PTPRN2: variants seen among roughly 807,000 people sequenced by gnomAD.
The protein encoded by PTPRN2 is protein tyrosine phosphatase receptor type N2, also known as receptor-type tyrosine-protein phosphatase N2.
Under a neutral mutation model 118.8 loss-of-function variants are expected in PTPRN2, and 74 were observed. The ratio of observed to expected loss-of-function variants is 0.62; its 90% confidence interval spans 0.52 to 0.76. PTPRN2 has a LOEUF of 0.76. Ranked by LOEUF, PTPRN2 falls within the 30% of genes least tolerant of loss-of-function variation. PTPRN2 has a pLI of 0.00. For synonymous variants in PTPRN2, 641 were observed against 608.0 expected, an observed-to-expected ratio of 1.05 and a Z score of -0.80; for missense variants, 1,481 against 1,394.4, an observed-to-expected ratio of 1.06 and a Z score of -0.99.
chr7:158,301,981 T>A (rs543773792), intron 3 of PTPRN2, among the ~76,000 whole-genome samples: 218 of 152,260 alleles, frequency 1.4e-3, no homozygotes, highest in African/African-American at 5.1e-3. Context: ...CATGAGATGG[T>A]ATGACCTCCT....
At chr7:157,725,103 C>A (rs1270281220) in intron 12 of PTPRN2, among the ~76,000 whole-genome samples, 1 of 151,582 alleles carries the variant, frequency 6.6e-6, no homozygotes, top group African/African-American at 2.4e-5. Context: ...GGGGAAAGGA[C>A]GGTTTCCTCA....
chr7:158,268,302 G>A lies in PTPRN2; in HGVS notation c.277+48517C>T, dbSNP rs549245419. ...CAGCCCAGACGCGTGCACACGGGGC[G>A]GGTGTGAAATATCCCAGCCGCACGC... On this transcript the variant is annotated intron_variant, in intron 3 of 22. Coordinates refer to ENST00000389418, the MANE Select transcript of PTPRN2 (RefSeq NM_002847.5). Among the ~76,000 whole-genome samples, 9 of 150,500 alleles carry A rather than the reference G, an allele frequency of 6.0e-5. No homozygotes were observed. The South Asian group carries it at 8.4e-4, about 14-fold the overall frequency.
At chr7:158,534,011 C>T (rs1422341921) in intron 1 of PTPRN2, among the ~76,000 whole-genome samples, 6 of 151,626 alleles carry the variant, frequency 4.0e-5, no homozygotes, top group East Asian at 3.9e-4. Context: ...TGACCACCCA[C>T]CCCCCGGGCT....
intron 9 of PTPRN2, among the ~76,000 whole-genome samples, chr7:158,113,060 C>T (rs574870606): frequency 6.6e-6 from 1 of 151,722 alleles, no homozygotes; most frequent in Non-Finnish European, 1.5e-5. Context: ...GGCCCCCCAA[C>T]ATTTAGGGCA....
At chr7:157,770,910 C>G (rs1007051783) in intron 12 of PTPRN2, among the ~76,000 whole-genome samples, 2 of 152,246 alleles carry the variant, frequency 1.3e-5, no homozygotes, top group African/African-American at 4.8e-5. Flanking sequence ...CACCTGCCCC[C>G]GAGGTGAGAC....
At chr7:158,125,382 C>T (rs951047538) in intron 9 of PTPRN2, among the ~76,000 whole-genome samples, 3 of 152,190 alleles carry the variant, frequency 2.0e-5, no homozygotes, top group Non-Finnish European at 4.4e-5. Flanking sequence ...CGGCCACCCC[C>T]CTGCCTCGCG....
chr7:158,196,599 C>A lies in PTPRN2; in HGVS notation c.381-4104G>T, dbSNP rs76901822. 2.4e-4 allele frequency among the ~76,000 whole-genome samples: 36 copies of A among 152,260 alleles called. No individual in the cohort carries two copies. In the East Asian group the frequency reaches 4.1e-3, roughly 17 times the overall value. ...TCCCCATGAGGGGTCTTCCCAAGAC[C>A]CTGCATTTGGACTTCAGGACTACAG... On this transcript the variant is annotated intron_variant, in intron 4 of 22. Transcript: ENST00000389418.
At chr7:158,229,051 C>T (rs971248911) in intron 3 of PTPRN2, among the ~76,000 whole-genome samples, 3 of 152,114 alleles carry the variant, frequency 2.0e-5, no homozygotes, top group Non-Finnish European at 4.4e-5. Context: ...CCAGCCTTCT[C>T]ACACTGCTGG....
Position 157,763,266 on chromosome 7 carries a change from G to C in PTPRN2, c.1789-80329C>G, listed in dbSNP as rs2151010819. Reference sequence around the variant, plus strand: ...TCAAATTTCCAGCCACATACACCATGACCTCTGGCGTGATGTGCCCTCCTC... The same window carrying C: ...TCAAATTTCCAGCCACATACACCATCACCTCTGGCGTGATGTGCCCTCCTC... On this transcript the variant is annotated intron_variant, in intron 12 of 22. Coordinates refer to ENST00000389418, the MANE Select transcript of PTPRN2 (RefSeq NM_002847.5). The surrounding 1 kb of genome is among the most constrained non-coding windows in gnomAD (Gnocchi z 4.9). Among the ~76,000 whole-genome samples, 1 of 152,348 alleles carries C rather than the reference G, an allele frequency of 6.6e-6. No homozygotes were observed. The highest frequency in any genetic ancestry group is 2.1e-4 in the South Asian group (1 of 4,824).
chr7:158,219,006 C>T (rs1828154617), intron 3 of PTPRN2, among the ~76,000 whole-genome samples: 1 of 152,118 alleles, frequency 6.6e-6, no homozygotes, highest in Admixed American at 6.5e-5. Context: ...CATTTGACAG[C>T]ATTAGACAGA....
At chr7:158,374,250 C>G (rs1472630384) in intron 2 of PTPRN2, among the ~76,000 whole-genome samples, 7 of 152,168 alleles carry the variant, frequency 4.6e-5, no homozygotes, top group Non-Finnish European at 1.0e-4. Flanking sequence ...AATCACAAAG[C>G]TCCCTTGTCA....
chr7:158,520,852 C>T (rs1563385944), intron 1 of PTPRN2, among the ~76,000 whole-genome samples: 1 of 152,156 alleles, frequency 6.6e-6, no homozygotes, highest in Non-Finnish European at 1.5e-5. Flanking sequence ...GATCGGTAAC[C>T]CCAGCCTCTT....
intron 12 of PTPRN2, among the ~76,000 whole-genome samples, chr7:157,894,381 C>T (rs1389372589): frequency 1.3e-5 from 2 of 148,212 alleles, no homozygotes; most frequent in Admixed American, 6.7e-5. Flanking sequence ...AAGCTGAGAG[C>T]TGGGGTGTGA....
chr7:158,202,005 T>G (rs931724761), intron 4 of PTPRN2, among the ~76,000 whole-genome samples: 1 of 152,214 alleles, frequency 6.6e-6, no homozygotes, highest in Non-Finnish European at 1.5e-5. Flanking sequence ...TTACAGAGTT[T>G]GACTCTTTTC....
intron 22 of PTPRN2, among the ~76,000 whole-genome samples, chr7:157,548,546 G>A (rs1326971553): frequency 2.0e-5 from 3 of 152,194 alleles, no homozygotes; most frequent in Non-Finnish European, 4.4e-5. Flanking sequence ...CTGTGCCCTG[G>A]GGGCCTCCAC....
At chr7:157,578,290 C>G in intron 17 of PTPRN2, 150 bp from the exon 18 acceptor site, 1 of 967,292 alleles carries the variant, frequency 1.0e-6, no homozygotes, top group Non-Finnish European at 1.5e-6. Flanking sequence ...CCGCAGCTGC[C>G]TGAGCATCTC....
In PTPRN2 at chr7:158,359,849, G is replaced by C. The variant is rs117987815; in HGVS notation, c.164-42917C>G. Among the ~76,000 whole-genome samples the C allele has an allele frequency of 6.7e-3, 1,025 of 152,228 alleles. 32 individuals are homozygous for C. The highest frequency in any genetic ancestry group is 0.051 in the Admixed American group (771 of 15,258). ...CCTGATGGAATGGCCTTCTTCCTCT[G>C]ACAGTTTTTAATATACAGCACCTTA... On this transcript the variant is annotated intron_variant, in intron 2 of 22. Coordinates refer to ENST00000389418, the MANE Select transcript of PTPRN2 (RefSeq NM_002847.5).
chr7:157,723,523 A>T (rs539652885), intron 12 of PTPRN2, among the ~76,000 whole-genome samples: 1 of 152,186 alleles, frequency 6.6e-6, no homozygotes, highest in South Asian at 2.1e-4. Flanking sequence ...GTTCCCAAGC[A>T]CTTTCTCCCT....
At chr7:158,471,884 C>T (rs897113244) in intron 2 of PTPRN2, among the ~76,000 whole-genome samples, 4 of 152,194 alleles carry the variant, frequency 2.6e-5, no homozygotes, top group South Asian at 2.1e-4. Context: ...GTCTGTTGCC[C>T]GTTCTGTCGG....
Sources: gnomAD v4.1 joint callset for allele counts (sites outside exome capture counted in the v4.1 genomes callset) on GRCh38, gnomAD v4.1.1 for gene constraint, Gnocchi (gnomAD v3.1) non-coding constraint, MANE v1.5 for transcripts, NCBI Gene and HGNC (gene_info 2026-07-23, HGNC 2026-07-21) for gene names.